The following OGA variants were observed in gnomAD, a reference collection of about 807,000 sequenced individuals.
OGA encodes protein O-GlcNAcase.
In OGA, 21 loss-of-function variants were observed where a neutral mutation model predicts 102.0. The ratio of observed to expected loss-of-function variants is 0.21; its 90% confidence interval spans 0.15 to 0.30. OGA has a LOEUF of 0.30. Ranked by LOEUF, OGA falls within the 10% of genes least tolerant of loss-of-function variation. The pLI, the probability that OGA is intolerant of heterozygous loss-of-function variation, is 1.00. For missense variants in OGA, 765 were observed against 1,107.8 expected (o/e 0.69, Z 4.39); for synonymous variants, 408 against 378.2 (o/e 1.08, Z -0.91).
rs1419634201 is a variant in OGA, at chr10:101,800,232, C to T, written c.1195+10G>A. On this transcript the variant is annotated intron_variant, in intron 8 of 15. Transcript: ENST00000361464. The stretch of plus-strand genomic sequence containing the variant: ...ATCTAACCCCCTTAACAAAGAATGG[C>T]CAAACTCACTGCTGTATTGATGAGG... The T allele has an allele frequency of 6.2e-7, 1 of 1,611,652 alleles. No individual in the cohort carries two copies. The highest frequency in any genetic ancestry group is 1.3e-5 in the African/African-American group (1 of 74,830).
At chr10:101,793,715 G>A (rs1461826558) in intron 11 of OGA, 198 bp downstream of exon 11, 3 of 509,566 alleles carry the variant, frequency 5.9e-6, no homozygotes, top group Non-Finnish European at 1.1e-5. Context: ...CAGGCGCGGG[G>A]GGGATTGGCA....
At chr10:101,816,280 A>G (rs2065624024) in intron 1 of OGA, among the ~76,000 whole-genome samples, 1 of 152,204 alleles carries the variant, frequency 6.6e-6, no homozygotes, top group Non-Finnish European at 1.5e-5. Flanking sequence ...AAAAACAACA[A>G]AACACACAAA....
At chr10:101,816,806 T>C (rs1260453632) in intron 1 of OGA, among the ~76,000 whole-genome samples, 2 of 151,922 alleles carry the variant, frequency 1.3e-5, no homozygotes, top group Non-Finnish European at 2.9e-5. Flanking sequence ...CTCTAATTTA[T>C]ATGGTGAAAA....
At chr10:101,805,026 CTTTATTA>C (rs1330343931) in intron 6 of OGA, among the ~76,000 whole-genome samples, 2 of 151,960 alleles carry the variant, frequency 1.3e-5, no homozygotes, top group African/African-American at 4.8e-5. Context: ...CCCTATAAAT[CTTTATTA>C]TTTATTAACT....
At chr10:101,798,707 A>G in intron 9 of OGA, 135 bp downstream of exon 9, 1 of 1,154,100 alleles carries the variant, frequency 8.7e-7, no homozygotes, top group Admixed American at 2.7e-5. Flanking sequence ...AGCCATCATA[A>G]CCGGCCTAAA....
At chr10:101,808,398 C>T (rs1194798937) in intron 4 of OGA, among the ~76,000 whole-genome samples, 1 of 152,024 alleles carries the variant, frequency 6.6e-6, no homozygotes, top group Non-Finnish European at 1.5e-5. Flanking sequence ...TGTAGAAGAC[C>T]CAACAAAGTC....
Position 101,797,892 on chromosome 10 carries a change from A to G in OGA, c.1984+88T>C, listed in dbSNP as rs758554319. On this transcript the variant is annotated intron_variant, in intron 10 of 15. Coordinates refer to ENST00000361464, the MANE Select transcript of OGA (RefSeq NM_012215.5). ...ATTGAAGAGACTTGGAAATGTGCCA[A>G]TTCCCTAAATGTTTTTCTCCCTGTG... 4 of 1,326,816 alleles carry G rather than the reference A, an allele frequency of 3.0e-6. No homozygotes were observed. The South Asian group carries it at 4.9e-5, about 16-fold the overall frequency. The allele number at this position is 1,326,816 out of a possible 1,614,324, so 82.2% of individuals were successfully genotyped here.
chr10:101,817,218 T>C (rs576231878), intron 1 of OGA, among the ~76,000 whole-genome samples: 5 of 152,342 alleles, frequency 3.3e-5, no homozygotes, highest in South Asian at 2.1e-4. Flanking sequence ...GCATCTCAGA[T>C]ACTTCGAGAA....
At chr10:101,800,109 G>A (rs768113122) in intron 8 of OGA, 133 bp downstream of exon 8, 4 of 919,614 alleles carry the variant, frequency 4.3e-6, no homozygotes, top group Non-Finnish European at 6.6e-6. Flanking sequence ...CTGACCTCAG[G>A]TGATCCGCCT....
At chr10:101,815,961 G>GAAAAAAAAAAAAAAAAAAAAAAAAA (rs1185344174) in intron 1 of OGA, among the ~76,000 whole-genome samples, 1 of 23,788 alleles carries the variant, frequency 4.2e-5, no homozygotes. Context: ...ATCAAAAAGA[G>GAAAAAAAAAAAAAAAAAAAAAAAAA]AGAAAAAAAA....
rs1275531078 is a variant in OGA at position 101,785,074 on chromosome 10, C to T, written c.*1377G>A. The T allele has an allele frequency of 6.6e-6, 1 of 152,192 alleles. No homozygotes were observed. Among genetic ancestry groups the T allele is most frequent in the Non-Finnish European group, 1.5e-5 (1 of 68,036 alleles). 9.4% of individuals were successfully genotyped at this position (152,192 alleles called of 1,614,324 possible). On this transcript the variant is annotated 3_prime_UTR_variant, in exon 16 of 16. Transcript: ENST00000361464. ...TAAGTTTCTTTCTCTTTACCCCTCTCCCCTCACTCAGCTCAAAGTTAAACA... is the reference window on the plus strand; with the variant it reads ...TAAGTTTCTTTCTCTTTACCCCTCTTCCCTCACTCAGCTCAAAGTTAAACA...
At chr10:101,805,445 G>A (rs887597963) in intron 6 of OGA, among the ~76,000 whole-genome samples, 4 of 152,046 alleles carry the variant, frequency 2.6e-5, no homozygotes, top group African/African-American at 4.8e-5. Context: ...ACCTGAGGTC[G>A]GGAGTTTGAG....
In OGA at chr10:101,803,793, G is replaced by A. The variant is rs1174888730; in HGVS notation, c.978C>T (p.His326=). 4 of 1,614,162 alleles carry A rather than the reference G, an allele frequency of 2.5e-6. No homozygotes were observed. In the East Asian group the frequency reaches 6.7e-5, roughly 27 times the overall value. The change falls in exon 7 of 16, where the codon CAC becomes CAT. Residue 326 remains histidine, a synonymous_variant. Coordinates refer to ENST00000361464, the MANE Select transcript of OGA (RefSeq NM_012215.5). The stretch of plus-strand genomic sequence containing the variant: ...TTGATTTGTACCAGGTGGCAAGGGT[G>A]TGGATAGCAACGTAGTTGGCTTCAA... ...CEFEANYVAI[H]TLATWYKSNM... is the part of the protein sequence containing the mutation.
At chr10:101,789,959 G>A (rs1434957466) in intron 14 of OGA, among the ~76,000 whole-genome samples, 1 of 152,140 alleles carries the variant, frequency 6.6e-6, no homozygotes. Flanking sequence ...TGGGTGACAA[G>A]GTGAGACACT....
chr10:101,810,886 T>C (rs1020462883), intron 3 of OGA, among the ~76,000 whole-genome samples: 1 of 152,164 alleles, frequency 6.6e-6, no homozygotes, highest in Non-Finnish European at 1.5e-5. Flanking sequence ...GATGAGGGTT[T>C]TGCCATATTG....
rs542734319 is a variant in OGA at position 101,802,159 on chromosome 10, A to T, written c.1036+1576T>A. 9.2e-5 allele frequency among the ~76,000 whole-genome samples: 14 copies of T among 151,742 alleles called. No individual in the cohort carries two copies. The East Asian group carries it at 9.7e-4, about 11-fold the overall frequency. ...GGCTCTGTCTCAAAGAAAAAAAAAA[A>T]TTTTCAGTGTTCAGTGTTTTTAACC... On this transcript the variant is annotated intron_variant, in intron 7 of 15. Coordinates refer to ENST00000361464, the MANE Select transcript of OGA (RefSeq NM_012215.5).
chr10:101,801,608 C>T (rs1298317674), intron 7 of OGA, among the ~76,000 whole-genome samples: 6 of 152,058 alleles, frequency 3.9e-5, no homozygotes, highest in African/African-American at 1.5e-4. Context: ...CCTTGCTGTG[C>T]CTTAAAAGAT....
At position 101,785,561 on chromosome 10, in the gene OGA, T is replaced by G. The variant is rs539413126; in HGVS notation, c.*890A>C. 6.5e-6 allele frequency: 1 copy of G among 152,688 alleles called. No individual in the cohort carries two copies. The highest frequency in any genetic ancestry group is 1.5e-5 in the Non-Finnish European group (1 of 68,016). 9.5% of individuals were successfully genotyped at this position (152,688 alleles called of 1,614,324 possible). The stretch of plus-strand genomic sequence containing the variant: ...CAAAATTAGGCTCTCGTACCCCAAA[T>G]GGTCATGGCCTACGCCTAGGTGGGA... On this transcript the variant is annotated 3_prime_UTR_variant, in exon 16 of 16. Transcript: ENST00000361464.
Position 101,786,436 on chromosome 10 carries a change from C to T in OGA, c.*15G>A. ...AGTTAAGAGACTTTTGGACAGTTCA[C>T]AGTGTCAACAAATGTCACAGGCTCC... On this transcript the variant is annotated 3_prime_UTR_variant, in exon 16 of 16. Coordinates refer to ENST00000361464, the MANE Select transcript of OGA (RefSeq NM_012215.5). 1.3e-6 allele frequency: 2 copies of T among 1,599,130 alleles called. No individual in the cohort carries two copies. Among genetic ancestry groups the T allele is most frequent in the South Asian group, 1.1e-5 (1 of 87,162 alleles).
Sources: allele counts gnomAD v4.1 joint callset (sites outside exome capture counted in the v4.1 genomes callset), GRCh38; gene constraint gnomAD v4.1.1; transcripts MANE v1.5; gene names NCBI Gene and HGNC (gene_info 2026-07-23, HGNC 2026-07-21).